Variants in INPP5D observed in about 807,000 individuals in gnomAD.
INPP5D encodes the protein phosphatidylinositol 3,4,5-trisphosphate 5-phosphatase 1.
A neutral mutation model predicts 122.9 loss-of-function variants in INPP5D; 33 were observed. The observed-to-expected ratio is 0.27, with a 90% CI of 0.20 to 0.36. INPP5D has a LOEUF of 0.36. Among genes scored for constraint, INPP5D ranks in the 10% least tolerant of loss-of-function variants. The probability of loss-of-function intolerance (pLI) is 1.00; values close to 1 mark genes in which losing one functional copy is unlikely to be tolerated. For synonymous variants in INPP5D, 584 were observed against 576.2 expected, an observed-to-expected ratio of 1.01 and a Z score of -0.19; for missense variants, 1,053 against 1,412.7, an observed-to-expected ratio of 0.75 and a Z score of 4.08.
chr2:233,204,756 GTGTGTGCATGCGTGAGTGCGTA>G, intron 26 of INPP5D, 39 bp downstream of exon 26: 2 of 1,447,412 alleles, frequency 1.4e-6, no homozygotes, highest in Non-Finnish European at 9.1e-7. Context: ...GCATTTGTGT[GTGTGTGCATGCGTGAGTGCGTA>G]TGTGTGTACC....
At chr2:233,076,919 A>G (rs1328548712) in intron 1 of INPP5D, among the ~76,000 whole-genome samples, 2 of 152,230 alleles carry the variant, frequency 1.3e-5, no homozygotes, top group African/African-American at 4.8e-5. Flanking sequence ...AGGAGAAAAA[A>G]AAGGCCACAA....
chr2:233,156,282 G>A (rs1162490123), intron 9 of INPP5D, among the ~76,000 whole-genome samples: 2 of 152,118 alleles, frequency 1.3e-5, no homozygotes, highest in East Asian at 1.9e-4. Context: ...CAGAGTGCCA[G>A]GTTCACACTT....
intron 2 of INPP5D, among the ~76,000 whole-genome samples, chr2:233,091,576 C>G (rs777832182): frequency 2.0e-5 from 3 of 152,158 alleles, no homozygotes; most frequent in African/African-American, 7.2e-5. Flanking sequence ...CTCATAATGC[C>G]GTTTCTAGGG....
intron 9 of INPP5D, among the ~76,000 whole-genome samples, chr2:233,155,688 C>A (rs1694034011): frequency 6.6e-6 from 1 of 150,934 alleles, no homozygotes; most frequent in Non-Finnish European, 1.5e-5. Context: ...GTTCAGGAGG[C>A]CCAATATCAA....
chr2:233,086,511 C>T (rs1559282611), intron 2 of INPP5D, among the ~76,000 whole-genome samples: 1 of 152,032 alleles, frequency 6.6e-6, no homozygotes, highest in Non-Finnish European at 1.5e-5. Context: ...TGGAAGCTGC[C>T]ATAGGATGTG....
intron 2 of INPP5D, among the ~76,000 whole-genome samples, chr2:233,081,305 G>A (rs1422327118): frequency 6.6e-6 from 1 of 152,188 alleles, no homozygotes; most frequent in Non-Finnish European, 1.5e-5. Context: ...AGGAGGGCAT[G>A]AGCTTTTCTG....
At position 233,171,064 on chromosome 2, in the gene INPP5D, A is replaced by G; in HGVS notation, c.1901A>G (p.Glu634Gly). ...TAAAACGAAAGTCTCTCTGTTTCAG[A>G]GGAGGAAGAAATCACGTTTGCCCCA... ...RREQKVFLHF[E>G]EEEITFAPTY... The change falls in exon 17 of 27, where the codon GAG becomes GGG. Residue 634 changes from glutamate to glycine, a missense_variant and splice_region_variant. Physicochemically the swap from Glu to Gly is moderately conservative, Grantham distance 98. Around this residue, in one of 6 missense-constraint regions of INPP5D, gnomAD observed 258 missense variants for 439.1 expected, o/e 0.59. Transcript: ENST00000445964. The G allele has an allele frequency of 1.2e-6, 2 of 1,610,740 alleles. No individual in the cohort carries two copies. The highest frequency in any genetic ancestry group is 1.7e-6 in the Non-Finnish European group (2 of 1,178,040).
intron 9 of INPP5D, among the ~76,000 whole-genome samples, chr2:233,150,040 C>T (rs558264117): frequency 6.6e-6 from 1 of 152,164 alleles, no homozygotes; most frequent in East Asian, 1.9e-4. Flanking sequence ...TGTATAGTGG[C>T]AAGTTGGGCA....
At position 233,197,822 on chromosome 2, in the gene INPP5D, C is replaced by T. The variant is rs1695222948; in HGVS notation, c.2694-273C>T. Among the ~76,000 whole-genome samples the T allele has an allele frequency of 6.6e-6, 1 of 152,156 alleles. No individual in the cohort carries two copies. The highest frequency in any genetic ancestry group is 2.4e-5 in the African/African-American group (1 of 41,426). On this transcript the variant is annotated intron_variant, in intron 24 of 26. Coordinates refer to ENST00000445964, the MANE Select transcript of INPP5D (RefSeq NM_001017915.3). The surrounding 1 kb of genome is among the most constrained non-coding windows in gnomAD (Gnocchi z 4.4). ...CACTGAGCTTGTTTTTCTCTCCCAT[C>T]AAAAGTGAGTTCCATAAGAACAGAG...
Position 233,185,890 on chromosome 2 carries a change from G to A in INPP5D, c.2323G>A (p.Glu775Lys). 1 of 1,609,104 alleles carries A rather than the reference G, an allele frequency of 6.2e-7. No homozygotes were observed. The highest frequency in any genetic ancestry group is 8.5e-7 in the Non-Finnish European group (1 of 1,177,702). The change falls in exon 21 of 27, where the codon GAG becomes AAG. Residue 775 changes from glutamate (E) to lysine (K), a missense_variant. This residue lies in a region of INPP5D where 258 missense variants were observed against 439.1 expected (regional missense o/e 0.59). Transcript: ENST00000445964. ...EGENEEGSEG[E>K]LVVKFGETLP... is the part of the protein sequence containing the mutation. ...AGAAAATGAAGAAGGAAGTGAGGGGGAGCTGGTGGTGAAGTTTGGTGAGAC... is the reference window on the plus strand; with the variant it reads ...AGAAAATGAAGAAGGAAGTGAGGGGAAGCTGGTGGTGAAGTTTGGTGAGAC...
At chr2:233,149,015 G>A (rs185105620) in intron 9 of INPP5D, among the ~76,000 whole-genome samples, 13 of 151,492 alleles carry the variant, frequency 8.6e-5, no homozygotes, top group South Asian at 6.3e-4. Context: ...ATACTTATAT[G>A]CAACAATGAT....
At chr2:233,173,158 G>C (rs1050116722) in intron 17 of INPP5D, among the ~76,000 whole-genome samples, 3 of 150,884 alleles carry the variant, frequency 2.0e-5, no homozygotes, top group Non-Finnish European at 4.4e-5. Flanking sequence ...GCAGTGAGCC[G>C]AGATCGCGCC....
intron 5 of INPP5D, among the ~76,000 whole-genome samples, chr2:233,134,513 G>C (rs940408937): frequency 6.6e-6 from 1 of 152,144 alleles, no homozygotes; most frequent in African/African-American, 2.4e-5. Context: ...AAGGAGAAGT[G>C]CCAGAGCCTC....
chr2:233,205,310 A>G (rs1559352344), intron 26 of INPP5D: 1 of 141,064 alleles, frequency 7.1e-6, no homozygotes, highest in Non-Finnish European at 1.5e-5. Flanking sequence ...GCGCCACTGC[A>G]CTCCAGCCTG....
chr2:233,171,273 T>C, intron 17 of INPP5D, 121 bp downstream of exon 17: 3 of 1,430,992 alleles, frequency 2.1e-6, no homozygotes, highest in South Asian at 2.8e-5. Context: ...AAGAAAAAAA[T>C]TAGAAAGCAC....
intron 25 of INPP5D, 118 bp from the exon 26 acceptor site, chr2:233,204,008 C>G: frequency 7.1e-7 from 1 of 1,403,552 alleles, no homozygotes; most frequent in Non-Finnish European, 9.3e-7. Flanking sequence ...TTACATGTCT[C>G]TATCTAGTTC....
intron 3 of INPP5D, among the ~76,000 whole-genome samples, chr2:233,124,117 T>G (rs984167979): frequency 2.0e-5 from 3 of 152,138 alleles, no homozygotes; most frequent in African/African-American, 7.2e-5. Context: ...ATACAAGTTT[T>G]TTTTTTTTTT....
intron 4 of INPP5D, among the ~76,000 whole-genome samples, chr2:233,127,952 C>T (rs551529185): frequency 1.2e-3 from 179 of 152,312 alleles, no homozygotes; most frequent in African/African-American, 4.0e-3. Context: ...AATACAGACT[C>T]ACGGTATCAA....
chr2:233,156,716 G>A (rs1346535303), intron 9 of INPP5D, among the ~76,000 whole-genome samples: 2 of 152,240 alleles, frequency 1.3e-5, no homozygotes, highest in Admixed American at 6.5e-5. Flanking sequence ...AAATGTGGTT[G>A]TTAACTGGCG....
Sources: gnomAD v4.1 joint callset for allele counts (sites outside exome capture counted in the v4.1 genomes callset) on GRCh38, gnomAD v4.1.1 for gene constraint, gnomAD v4.1.1 regional missense constraint, Gnocchi (gnomAD v3.1) non-coding constraint, MANE v1.5 for transcripts, NCBI Gene and HGNC (gene_info 2026-07-23, HGNC 2026-07-21) for gene names.